The following BABAM2 variants were observed in gnomAD, a reference collection of about 807,000 sequenced individuals.
BABAM2 encodes BRISC and BRCA1 A complex member 2, also known as BRISC and BRCA1-A complex member 2.
A neutral mutation model predicts 54.7 loss-of-function variants in BABAM2; 31 were observed. The observed-to-expected ratio is 0.57, with a 90% CI of 0.43 to 0.77. BABAM2 has a LOEUF of 0.77. BABAM2 is among the 30% of genes least tolerant of loss of function. The pLI is 0.00. For missense variants in BABAM2, 364 were observed against 455.8 expected, an observed-to-expected ratio of 0.80 and a Z score of 1.83; for synonymous variants, 167 against 162.9, an observed-to-expected ratio of 1.03 and a Z score of -0.19.
chr2:27,943,352 A>G (rs1023342438), intron 3 of BABAM2, among the ~76,000 whole-genome samples: 1 of 152,216 alleles, frequency 6.6e-6, no homozygotes, highest in African/African-American at 2.4e-5. Context: ...GAGCTCAGCT[A>G]ACAACAAGCC....
intron 10 of BABAM2, among the ~76,000 whole-genome samples, chr2:28,249,053 A>G (rs1683174930): frequency 6.7e-6 from 1 of 148,580 alleles, no homozygotes; most frequent in African/African-American, 2.5e-5. Flanking sequence ...AGGGCCCTTG[A>G]GCTAAGTATA....
intron 4 of BABAM2, among the ~76,000 whole-genome samples, chr2:27,992,581 T>A (rs1395528995): frequency 6.6e-6 from 1 of 152,186 alleles, no homozygotes; most frequent in African/African-American, 2.4e-5. Context: ...CAATATGTGA[T>A]GTGAGAAGAG....
intron 10 of BABAM2, among the ~76,000 whole-genome samples, chr2:28,259,963 C>T (rs1684344700): frequency 6.6e-6 from 1 of 151,524 alleles, no homozygotes; most frequent in South Asian, 2.1e-4. Flanking sequence ...TGCAGTGGCA[C>T]GATCTCGGCT....
intron 10 of BABAM2, among the ~76,000 whole-genome samples, chr2:28,297,168 G>A (rs112334506): frequency 1.3e-5 from 2 of 152,298 alleles, no homozygotes; most frequent in East Asian, 1.9e-4. Flanking sequence ...AGTAGGAGCC[G>A]AATGTTTGAA....
intron 11 of BABAM2, chr2:28,308,743 A>G (rs1688785573): frequency 5.0e-6 from 1 of 198,116 alleles, no homozygotes; most frequent in Non-Finnish European, 1.0e-5. Flanking sequence ...TCTCATACAG[A>G]GAGGAAATGC....
chr2:28,031,671 A>T (rs1040524228), intron 5 of BABAM2, among the ~76,000 whole-genome samples: 5 of 152,212 alleles, frequency 3.3e-5, no homozygotes, highest in Admixed American at 1.3e-4. Context: ...TACTGGATAG[A>T]TTACATCTCA....
intron 7 of BABAM2, among the ~76,000 whole-genome samples, chr2:28,165,529 CTTTTTTTTT>C (rs1192641957): frequency 2.8e-5 from 2 of 72,254 alleles, no homozygotes; most frequent in African/African-American, 5.7e-5. Context: ...TTTTTCCTTG[CTTTTTTTTT>C]TTTTTTTTTT....
chr2:28,110,285 CTT>C (rs1279497020), intron 6 of BABAM2, among the ~76,000 whole-genome samples: 3 of 152,208 alleles, frequency 2.0e-5, no homozygotes, highest in African/African-American at 7.2e-5. Context: ...TTGATGGACA[CTT>C]GGGTTGCTTC....
chr2:28,275,906 T>A (rs1189013691), intron 10 of BABAM2, among the ~76,000 whole-genome samples: 1 of 151,506 alleles, frequency 6.6e-6, no homozygotes, highest in Admixed American at 6.6e-5. Flanking sequence ...TCCAGCCCCA[T>A]CACAACCCCT....
intron 7 of BABAM2, among the ~76,000 whole-genome samples, chr2:28,197,380 C>G (rs1677713443): frequency 6.6e-6 from 1 of 152,154 alleles, no homozygotes; most frequent in African/African-American, 2.4e-5. Flanking sequence ...ATAAAAGAAA[C>G]AGTGTTTATG....
chr2:28,081,695 A>G (rs927010139), intron 6 of BABAM2, among the ~76,000 whole-genome samples: 2 of 152,090 alleles, frequency 1.3e-5, no homozygotes, highest in Non-Finnish European at 2.9e-5. Flanking sequence ...TTCAGCCCTA[A>G]ATGAATTTAG....
chr2:28,134,600 C>G (rs1223997602), intron 7 of BABAM2: 6 of 152,254 alleles, frequency 3.9e-5, no homozygotes, highest in African/African-American at 1.4e-4. Context: ...GCATCTTTCA[C>G]AAGTACAGAA....
At chr2:28,281,150 G>A (rs1686323517) in intron 10 of BABAM2, among the ~76,000 whole-genome samples, 1 of 152,130 alleles carries the variant, frequency 6.6e-6, no homozygotes, top group Admixed American at 6.6e-5. Flanking sequence ...CACCTTAGAA[G>A]GAAAGGCTAC....
intron 6 of BABAM2, among the ~76,000 whole-genome samples, chr2:28,072,023 C>A (rs1166313498): frequency 6.6e-6 from 1 of 152,086 alleles, no homozygotes; most frequent in East Asian, 1.9e-4. Flanking sequence ...AACCTGGATT[C>A]TGTTTGTTTT....
At chr2:28,167,348 T>C (rs1673787858) in intron 7 of BABAM2, among the ~76,000 whole-genome samples, 2 of 152,202 alleles carry the variant, frequency 1.3e-5, no homozygotes, top group African/African-American at 4.8e-5. Context: ...CCTTAAGGAT[T>C]TCATAAATGT....
intron 3 of BABAM2, among the ~76,000 whole-genome samples, chr2:27,952,235 A>C (rs1468912479): frequency 1.3e-5 from 2 of 152,118 alleles, no homozygotes; most frequent in Non-Finnish European, 2.9e-5. Context: ...ATTGGATTTT[A>C]CTTTTAAATC....
intron 6 of BABAM2, among the ~76,000 whole-genome samples, chr2:28,095,462 G>A (rs1202299920): frequency 6.6e-6 from 1 of 152,178 alleles, no homozygotes; most frequent in Non-Finnish European, 1.5e-5. Flanking sequence ...GGCTAGTACA[G>A]AGTTGGTGCT....
chr2:28,021,460 C>T (rs1181928281), intron 4 of BABAM2, among the ~76,000 whole-genome samples: 1 of 152,118 alleles, frequency 6.6e-6, no homozygotes, highest in Non-Finnish European at 1.5e-5. Context: ...TTGTTCTTTA[C>T]ATTCTTTTAT....
At chr2:28,064,301 A>C (rs1158821794) in intron 6 of BABAM2, among the ~76,000 whole-genome samples, 1 of 152,200 alleles carries the variant, frequency 6.6e-6, no homozygotes, top group Non-Finnish European at 1.5e-5. Flanking sequence ...AAAATGGTGG[A>C]GTAATCTAAT....
Sources: gnomAD v4.1 joint callset for allele counts (sites outside exome capture counted in the v4.1 genomes callset) on GRCh38, gnomAD v4.1.1 for gene constraint, MANE v1.5 for transcripts, NCBI Gene and HGNC (gene_info 2026-07-23, HGNC 2026-07-21) for gene names.